DLG2: variants seen among roughly 807,000 people sequenced by gnomAD.
DLG2 encodes disks large homolog 2.
DLG2 carries 45 observed loss-of-function variants against 132.5 expected under a neutral mutation model. The ratio of observed to expected loss-of-function variants is 0.34; its 90% CI spans 0.27 to 0.44. DLG2 has a LOEUF of 0.44. Ranked by LOEUF, DLG2 falls within the 20% of genes least tolerant of loss-of-function variation. The pLI, the probability that DLG2 is intolerant of heterozygous loss-of-function variation, is 1.00. For synonymous variants in DLG2, 424 were observed against 419.6 expected, an observed-to-expected ratio of 1.01 and a Z score of -0.13; for missense variants, 1,045 against 1,196.9, an observed-to-expected ratio of 0.87 and a Z score of 1.87.
At chr11:84,057,627 A>C (rs80029296) in intron 11 of DLG2, among the ~76,000 whole-genome samples, 2,527 of 152,252 alleles carry the variant, frequency 0.017, 73 homozygotes, top group African/African-American at 0.057. Context: ...TTACATTACC[A>C]AACAATTGTT....
chr11:83,727,031 C>T (rs2090138729), intron 18 of DLG2, among the ~76,000 whole-genome samples: 2 of 152,162 alleles, frequency 1.3e-5, no homozygotes, highest in Non-Finnish European at 2.9e-5. Flanking sequence ...TAGTAGAGAA[C>T]TTCTGGTTTT....
intron 19 of DLG2, among the ~76,000 whole-genome samples, chr11:83,626,326 A>G (rs1429119685): frequency 6.6e-6 from 1 of 152,154 alleles, no homozygotes. Flanking sequence ...TCTGCATACT[A>G]TTTGGATTGC....
At chr11:85,187,168 C>A (rs114729870) in intron 4 of DLG2, among the ~76,000 whole-genome samples, 1 of 151,852 alleles carries the variant, frequency 6.6e-6, no homozygotes, top group African/African-American at 2.4e-5. Context: ...AAACACTGGC[C>A]CAGGGGGGAA....
intron 3 of DLG2, among the ~76,000 whole-genome samples, chr11:85,494,533 T>A (rs1176022187): frequency 6.6e-6 from 1 of 151,632 alleles, no homozygotes; most frequent in Admixed American, 6.6e-5. Flanking sequence ...AAATTTGGAG[T>A]GGCTTTTTTT....
At chr11:84,123,561 G>A (rs540640673) in intron 9 of DLG2, among the ~76,000 whole-genome samples, 3 of 152,192 alleles carry the variant, frequency 2.0e-5, no homozygotes, top group Admixed American at 6.5e-5. Flanking sequence ...CCTCTGCTCC[G>A]GGTACTGTAT....
chr11:84,475,909 TG>T (rs1203803760), intron 7 of DLG2, among the ~76,000 whole-genome samples: 13 of 152,072 alleles, frequency 8.5e-5, no homozygotes, highest in Non-Finnish European at 1.8e-4. Flanking sequence ...TTTTCCATTT[TG>T]CAAAAATGTG....
chr11:84,285,719 G>A (rs913029045), intron 7 of DLG2, among the ~76,000 whole-genome samples: 2 of 152,096 alleles, frequency 1.3e-5, no homozygotes, highest in Non-Finnish European at 2.9e-5. Context: ...CCTTACTCAC[G>A]ACATCCTGTT....
In DLG2 at chr11:85,032,653, C is replaced by T. The variant is rs184893283; in HGVS notation, c.357+79008G>A. On this transcript the variant is annotated intron_variant, in intron 6 of 27. Coordinates refer to ENST00000376104, the MANE Select transcript of DLG2 (RefSeq NM_001142699.3). ...GTCAGAATCATTATTATTGGTTATCCATTCAGTGATAAGAAGTAAATTATA... is the reference window on the plus strand; with the variant it reads ...GTCAGAATCATTATTATTGGTTATCTATTCAGTGATAAGAAGTAAATTATA... Among the ~76,000 whole-genome samples the T allele has an allele frequency of 2.6e-5, 4 of 152,170 alleles. No individual in the cohort carries two copies. In the East Asian group the frequency reaches 7.7e-4, roughly 29 times the overall value.
intron 3 of DLG2, among the ~76,000 whole-genome samples, chr11:85,504,832 T>G (rs1290420048): frequency 6.6e-6 from 1 of 152,214 alleles, no homozygotes; most frequent in South Asian, 2.1e-4. Flanking sequence ...ATATTGATTC[T>G]TCCTATCCAT....
intron 3 of DLG2, among the ~76,000 whole-genome samples, chr11:85,474,782 T>C (rs957233525): frequency 6.6e-6 from 1 of 151,634 alleles, no homozygotes; most frequent in Non-Finnish European, 1.5e-5. Context: ...ATTTACTTAA[T>C]GTAATTTATT....
intron 4 of DLG2, among the ~76,000 whole-genome samples, chr11:85,210,586 A>T (rs10792810): frequency 2.0e-5 from 3 of 151,870 alleles, no homozygotes; most frequent in African/African-American, 4.8e-5. Context: ...TAAGCCACTC[A>T]GATCTCTTTC....
intron 16 of DLG2, among the ~76,000 whole-genome samples, chr11:83,846,796 A>C (rs7941626): frequency 0.61 from 92,954 of 151,912 alleles, 28,838 homozygotes; most frequent in Middle Eastern, 0.73. Context: ...TCCACATATC[A>C]AACATGATAA....
At chr11:83,506,331 C>A (rs781350749) in intron 21 of DLG2, among the ~76,000 whole-genome samples, 3 of 152,204 alleles carry the variant, frequency 2.0e-5, no homozygotes, top group African/African-American at 4.8e-5. Flanking sequence ...TCAGCCTGAT[C>A]CAACTCTATG....
intron 21 of DLG2, among the ~76,000 whole-genome samples, chr11:83,493,264 G>C (rs1402628126): frequency 6.6e-6 from 1 of 151,994 alleles, no homozygotes; most frequent in Non-Finnish European, 1.5e-5. Flanking sequence ...TTATCAGTGA[G>C]GCTTTTTCTG....
intron 6 of DLG2, among the ~76,000 whole-genome samples, chr11:84,858,970 C>G (rs2083180822): frequency 6.6e-6 from 1 of 151,950 alleles, no homozygotes; most frequent in East Asian, 1.9e-4. Flanking sequence ...TATTGTTTAG[C>G]TATATAACTT....
intron 17 of DLG2, among the ~76,000 whole-genome samples, chr11:83,797,219 AAAG>A (rs57382244): frequency 0.24 from 36,489 of 151,082 alleles, 4,985 homozygotes; most frequent in African/African-American, 0.36. Context: ...TGATGAAGGA[AAAG>A]AAGAAGAAGA....
At chr11:83,724,027 T>C (rs1250120364) in intron 18 of DLG2, among the ~76,000 whole-genome samples, 1 of 152,214 alleles carries the variant, frequency 6.6e-6, no homozygotes, top group East Asian at 1.9e-4. Context: ...TATGAAGCTA[T>C]GATTGTTAAA....
intron 9 of DLG2, among the ~76,000 whole-genome samples, chr11:84,107,369 G>A (rs1443045839): frequency 6.6e-6 from 1 of 152,006 alleles, no homozygotes; most frequent in Non-Finnish European, 1.5e-5. Context: ...GACAATTTAG[G>A]ATTTAAACTT....
At chr11:85,194,613 G>A (rs974058085) in intron 4 of DLG2, among the ~76,000 whole-genome samples, 1 of 129,016 alleles carries the variant, frequency 7.8e-6, no homozygotes, top group Non-Finnish European at 1.6e-5. Flanking sequence ...CCCCACCCCC[G>A]CCAAAGAAAA....
Sources: allele counts gnomAD v4.1 joint callset (sites outside exome capture counted in the v4.1 genomes callset), GRCh38; gene constraint gnomAD v4.1.1; transcripts MANE v1.5; gene names NCBI Gene and HGNC (gene_info 2026-07-23, HGNC 2026-07-21).